Variants in SSX7 observed in about 807,000 individuals in gnomAD.
The protein encoded by SSX7 is SSX family member 7, also known as protein SSX7.
Under a neutral mutation model 14.7 loss-of-function variants are expected in SSX7, and 15 were observed. That is an observed-to-expected ratio of 1.02 (90% CI 0.68 to 1.58). The LOEUF is 1.58. SSX7 is among the 40% of genes most tolerant of loss of function. The pLI is 0.00. For synonymous variants in SSX7, 46 were observed against 50.6 expected, an observed-to-expected ratio of 0.91 and a Z score of 0.38; for missense variants, 178 against 146.8, an observed-to-expected ratio of 1.21 and a Z score of -1.10.
At position 52,652,909 on chromosome X, in the gene SSX7, C is replaced by T. The variant is rs782325186; in HGVS notation, c.145G>A (p.Val49Met). 5.8e-6 allele frequency: 7 copies of T among 1,202,830 alleles called. No homozygotes were observed. The highest frequency in any genetic ancestry group is 7.9e-6 in the Non-Finnish European group (7 of 890,155). ...KMKSLEKISY[V>M]YMKRKYEAMT... ...GCCTCATACTTTCTCTTCATATACA[C>T]ATAGCTGATTTTCTCCAAGGATTTC... is the stretch of plus-strand genomic sequence containing the variant. Residue 49 changes from valine (V) to methionine (M), a missense_variant, in exon 3 of 8, where the codon GTG becomes ATG. Coordinates refer to ENST00000298181, the MANE Select transcript of SSX7 (RefSeq NM_173358.2).
intron 1 of SSX7, among the ~76,000 whole-genome samples, chrX:52,653,869 C>A (rs1925517481): frequency 9.0e-6 from 1 of 110,531 alleles, no homozygotes; most frequent in African/African-American, 3.3e-5. Context: ...GCTGACACCC[C>A]GACTCAATAA....
At chrX:52,653,103 A>T (rs1335742797) in intron 2 of SSX7, 119 bp from the exon 3 acceptor site, 2 of 1,168,136 alleles carry the variant, frequency 1.7e-6, no homozygotes, top group Non-Finnish European at 2.3e-6. Context: ...TGGCTAACCG[A>T]CAACATGAGC....
chrX:52,648,220 A>T, intron 6 of SSX7, 41 bp downstream of exon 6: 1 of 1,194,788 alleles, frequency 8.4e-7, no homozygotes, highest in African/African-American at 1.8e-5. Context: ...GAACATAGCC[A>T]CGGAAGCCAG....
intron 6 of SSX7, 70 bp downstream of exon 6, chrX:52,648,191 A>G: frequency 1.7e-6 from 2 of 1,166,632 alleles, no homozygotes; most frequent in Non-Finnish European, 2.3e-6. Flanking sequence ...TCCATGCCAC[A>G]CACCCAGTCC....
intron 6 of SSX7, among the ~76,000 whole-genome samples, chrX:52,647,076 A>G (rs189098395): frequency 8.9e-6 from 1 of 112,740 alleles, no homozygotes; most frequent in East Asian, 2.8e-4. Context: ...AGGATATTTG[A>G]TGAAACCAGC....
rs146891115 is a variant in SSX7 at position 52,645,457 on chromosome X, C to T, written c.553G>A (p.Glu185Lys). 1.4e-3 allele frequency: 1,672 copies of T among 1,192,741 alleles called. 11 individuals carry two copies. The African/African-American group carries it at 0.027, about 19-fold the overall frequency. ...VIYEEISDPEEDDE is the reference protein window; with the variant it reads ...VIYEEISDPEKDDE ...CACTTACGGAGTTACTCGTCGTCTT[C>T]TTCAGGGTCGCTGATCTCTTCATAA... Residue 185 changes from glutamate (E) to lysine (K), a missense_variant, in exon 7 of 8, where the codon GAA becomes AAA. Glu to Lys is a moderately conservative substitution (Grantham distance 56). Transcript: ENST00000298181.
intron 3 of SSX7, 146 bp from the exon 4 acceptor site, chrX:52,652,493 C>G (rs1222366208): frequency 4.6e-5 from 22 of 475,754 alleles, no homozygotes; most frequent in Non-Finnish European, 7.4e-5. Flanking sequence ...GCTATGACTG[C>G]ACTACTGCAA....
Position 52,646,896 on chromosome X carries a change from G to C in SSX7, c.467-1353C>G, listed in dbSNP as rs187944092. On this transcript the variant is annotated intron_variant, in intron 6 of 7. Transcript: ENST00000298181. ...AGACAGGCTGAAAGCTCGGCCTCTT[G>C]CACCAAACAGCCAAGCTGTGAATGC... Among the ~76,000 whole-genome samples, 58 of 112,414 alleles carry C rather than the reference G, an allele frequency of 5.2e-4. No homozygotes were observed. The East Asian group carries it at 0.014, about 28-fold the overall frequency.
In SSX7 at chrX:52,653,458, G is replaced by T. The variant is rs146871555; in HGVS notation, c.15C>A (p.Asp5Glu). Residue 5 changes from aspartate to glutamate, a missense_variant, in exon 2 of 8, where the codon GAC becomes GAA. Physicochemically the swap from Asp to Glu is conservative, Grantham distance 45. Coordinates refer to ENST00000298181, the MANE Select transcript of SSX7 (RefSeq NM_173358.2). MNGDDAFARRPRAGA... is the reference protein window; with the variant it reads MNGDEAFARRPRAGA... ...CAGCCCTAGGTCTCCTTGCAAAGGC[G>T]TCGTCTCCGTTCATGGCACCAGGAG... 6 of 1,209,343 alleles carry T rather than the reference G, an allele frequency of 5.0e-6. No homozygotes were observed. The African/African-American group carries it at 8.8e-5, about 18-fold the overall frequency.
chrX:52,649,192 C>T (rs782500056), intron 5 of SSX7, among the ~76,000 whole-genome samples: 3 of 110,899 alleles, frequency 2.7e-5, no homozygotes, highest in East Asian at 2.8e-4. Flanking sequence ...TACCACGCCC[C>T]GCTAAGTTTT....
Position 52,648,266 on chromosome X carries a change from G to A in SSX7, c.461C>T (p.Thr154Ile), listed in dbSNP as rs782020031. Residue 154 changes from threonine to isoleucine, a missense_variant, in exon 6 of 8, where the codon ACA becomes ATA. Physicochemically the swap from Thr to Ile is moderately conservative, Grantham distance 89. Transcript: ENST00000298181. ...CCCGAATTCTTTCCTCTTACCGGAT[G>A]TCTTGTTAATCTTCTCAGAGGTACT... is the stretch of plus-strand genomic sequence containing the variant. Reference protein sequence around the residue: ...KPSTSEKINKTSGPKRGKHAW... With the variant: ...KPSTSEKINKISGPKRGKHAW... 6.6e-6 allele frequency: 8 copies of A among 1,209,053 alleles called. No homozygotes were observed. In the South Asian group the frequency reaches 1.2e-4, roughly 19 times the overall value.
At chrX:52,645,659 T>C (rs1925221971) in intron 6 of SSX7, 116 bp from the exon 7 acceptor site, 1 of 598,331 alleles carries the variant, frequency 1.7e-6, no homozygotes, top group Non-Finnish European at 2.6e-6. Flanking sequence ...GCCTTCTTTA[T>C]CCAGTTTTTC....
intron 5 of SSX7, among the ~76,000 whole-genome samples, chrX:52,649,707 G>C (rs1261875429): frequency 8.9e-6 from 1 of 112,107 alleles, no homozygotes; most frequent in African/African-American, 3.2e-5. Context: ...CAGTAACAGA[G>C]CAGAGGCCAG....
At position 52,652,342 on chromosome X, in the gene SSX7, T is replaced by C. The variant is rs782426817; in HGVS notation, c.190A>G (p.Lys64Glu). The C allele has an allele frequency of 1.5e-5, 18 of 1,197,303 alleles. No homozygotes were observed. In the Admixed American group the frequency reaches 3.5e-4, roughly 24 times the overall value. Reference protein sequence around the residue: ...KYEAMTKLGFKATLPPFMHNT... With the variant: ...KYEAMTKLGFEATLPPFMHNT... Reference sequence around the variant, plus strand: ...TGCATGAAAGGTGGGAGGGTGGCCTTGAAGCCTAGAAAGAAGCAAAATGTT... The same window carrying C: ...TGCATGAAAGGTGGGAGGGTGGCCTCGAAGCCTAGAAAGAAGCAAAATGTT... Residue 64 changes from lysine to glutamate, a missense_variant, in exon 4 of 8, where the codon AAG (lysine) becomes GAG (glutamate). Lys to Glu is a moderately conservative substitution (Grantham distance 56, BLOSUM62 1). Coordinates refer to ENST00000298181, the MANE Select transcript of SSX7 (RefSeq NM_173358.2).
chrX:52,650,298 T>C (rs1385834727), intron 5 of SSX7, 55 bp downstream of exon 5: 3 of 1,175,443 alleles, frequency 2.6e-6, no homozygotes, highest in South Asian at 3.6e-5. Flanking sequence ...TACCAGTGTT[T>C]GCATCCATGG....
intron 6 of SSX7, among the ~76,000 whole-genome samples, chrX:52,647,422 A>T (rs1470736399): frequency 8.9e-6 from 1 of 112,417 alleles, no homozygotes; most frequent in East Asian, 2.8e-4. Flanking sequence ...GAGAGAATTG[A>T]CTCGAACTTT....
At chrX:52,654,654 C>A (rs1556767542) in intron 1 of SSX7, 108 bp downstream of exon 1, 2 of 110,442 alleles carry the variant, frequency 1.8e-5, no homozygotes, top group South Asian at 3.9e-4. Flanking sequence ...AACTAGATAA[C>A]AAATGCACCA....
At position 52,650,403 on chromosome X, in the gene SSX7, C is replaced by T. The variant is rs782665025; in HGVS notation, c.281-1G>A. 15 of 1,207,590 alleles carry T rather than the reference C, an allele frequency of 1.2e-5. No homozygotes were observed. The highest frequency in any genetic ancestry group is 1.7e-5 in the Non-Finnish European group (15 of 893,280). On this transcript the variant is annotated splice_acceptor_variant, in intron 4 of 7. Transcript: ENST00000298181. LOFTEE classifies it high-confidence loss of function. The stretch of plus-strand genomic sequence containing the variant: ...CAAAAAGTCATCTGAGGACGTTCAA[C>T]TGAAAGAGAATATATCAGAATTTTT...
Position 52,644,615 on chromosome X carries a change from C to G in SSX7, c.*60G>C. 8.4e-7 allele frequency: 1 copy of G among 1,195,647 alleles called. No individual in the cohort carries two copies. Among genetic ancestry groups the G allele is most frequent in the East Asian group, 3.0e-5 (1 of 33,820 alleles). ...AGGGGTCCGCAGCCATGCCCATGTT[C>G]GTGAAAGGTCACCACGTTCTGCTTC... On this transcript the variant is annotated 3_prime_UTR_variant, in exon 8 of 8. Transcript: ENST00000298181.
Sources: allele counts gnomAD v4.1 joint callset (sites outside exome capture counted in the v4.1 genomes callset), GRCh38; gene constraint gnomAD v4.1.1; transcripts MANE v1.5; gene names NCBI Gene and HGNC (gene_info 2026-07-23, HGNC 2026-07-21).